SLC66A2: variants seen among roughly 807,000 people sequenced by gnomAD.
SLC66A2 encodes the protein solute carrier family 66 member 2, also known as PQ loop repeat containing 1.
Under a neutral mutation model 25.5 loss-of-function variants are expected in SLC66A2, and 23 were observed. The ratio of observed to expected loss-of-function variants is 0.90; its 90% CI spans 0.65 to 1.28. The LOEUF is 1.28. Ranked by LOEUF, SLC66A2 falls within the 50% of genes most tolerant of loss-of-function variation. SLC66A2 has a pLI of 0.00. For missense variants in SLC66A2, 396 were observed against 373.1 expected (o/e 1.06, Z -0.51); for synonymous variants, 193 against 166.5 (o/e 1.16, Z -1.23).
At chr18:79,946,950 G>A (rs549325421) in intron 2 of SLC66A2, among the ~76,000 whole-genome samples, 15 of 152,230 alleles carry the variant, frequency 9.9e-5, no homozygotes, top group African/African-American at 1.9e-4. Context: ...GGGCAAGAGC[G>A]AGACTCTTGT....
At chr18:79,936,911 G>A (rs908184862) in intron 3 of SLC66A2, among the ~76,000 whole-genome samples, 3 of 152,194 alleles carry the variant, frequency 2.0e-5, no homozygotes, top group African/African-American at 7.2e-5. Context: ...GCGCTGGCAT[G>A]GTGACCCTCA....
intron 4 of SLC66A2, among the ~76,000 whole-genome samples, chr18:79,933,308 T>C (rs1256631902): frequency 1.3e-5 from 2 of 152,226 alleles, no homozygotes; most frequent in Non-Finnish European, 2.9e-5. Context: ...AGGGCAACTA[T>C]GGAAAATCCA....
At chr18:79,915,109 AG>A (rs1373709416) in intron 5 of SLC66A2, among the ~76,000 whole-genome samples, 1 of 152,220 alleles carries the variant, frequency 6.6e-6, no homozygotes, top group Non-Finnish European at 1.5e-5. Flanking sequence ...CCCCACAAGC[AG>A]ACCCCAGACT....
Position 79,918,077 on chromosome 18 carries a change from C to T in SLC66A2, c.608+1107G>A, listed in dbSNP as rs974809799. Among the ~76,000 whole-genome samples the T allele has an allele frequency of 2.6e-5, 4 of 152,196 alleles. No individual in the cohort carries two copies. The highest frequency in any genetic ancestry group is 1.9e-4 in the East Asian group (1 of 5,184). ...ACCCCCTACCACCACCCCACACCTA[C>T]GACAAGCCCTCCTACCTTTACCTCT... On this transcript the variant is annotated intron_variant, in intron 5 of 5. Transcript: ENST00000397778. This position sits in a 1 kb window ranked among gnomAD's most constrained non-coding sequence, Gnocchi z 4.0.
chr18:79,919,015 C>T (rs1004489986), intron 5 of SLC66A2, among the ~76,000 whole-genome samples, 169 bp downstream of exon 5: 5 of 152,276 alleles, frequency 3.3e-5, no homozygotes, highest in African/African-American at 1.2e-4. Flanking sequence ...TGCTCCAGCG[C>T]GAGGTCGAGG....
chr18:79,926,294 C>A (rs1383562406), intron 4 of SLC66A2, among the ~76,000 whole-genome samples: 1 of 152,144 alleles, frequency 6.6e-6, no homozygotes, highest in Non-Finnish European at 1.5e-5. Flanking sequence ...ACCTCAAATT[C>A]TTTCTTGTGC....
rs1335441989 is a variant in SLC66A2, at chr18:79,917,391, GC to G, written c.608+1792del. On this transcript the variant is annotated intron_variant, in intron 5 of 5. Coordinates refer to ENST00000397778, the MANE Select transcript of SLC66A2 (RefSeq NM_025078.5). This position sits in a 1 kb window ranked among gnomAD's most constrained non-coding sequence, Gnocchi z 6.0. ...CCAGCTCCTTGTGAGGGGCCAGGAG[GC>G]CGGCATGTGGGGTCCGGATCCGCTA... Among the ~76,000 whole-genome samples the G allele has an allele frequency of 6.6e-6, 1 of 152,214 alleles. No homozygotes were observed. Among genetic ancestry groups the G allele is most frequent in the Non-Finnish European group, 1.5e-5 (1 of 68,012 alleles).
At chr18:79,919,027 G>A (rs185687241) in intron 5 of SLC66A2, among the ~76,000 whole-genome samples, 157 bp downstream of exon 5, 10 of 152,384 alleles carry the variant, frequency 6.6e-5, no homozygotes, top group African/African-American at 2.4e-4. Context: ...AGGTCGAGGG[G>A]CCAAGGCCTA....
chr18:79,905,084 C>T (rs570480818), intron 5 of SLC66A2, among the ~76,000 whole-genome samples: 1 of 152,164 alleles, frequency 6.6e-6, no homozygotes, highest in African/African-American at 2.4e-5. Flanking sequence ...GCTAGGAACC[C>T]GCAGGAGACA....
intron 5 of SLC66A2, among the ~76,000 whole-genome samples, chr18:79,912,691 T>C (rs1983418372): frequency 6.6e-6 from 1 of 152,160 alleles, no homozygotes; most frequent in Non-Finnish European, 1.5e-5. Context: ...GAAAATGTTC[T>C]GGAATTAGAC....
rs974704915 is a variant in SLC66A2 at position 79,902,876 on chromosome 18, G to A, written c.*1100C>T. 6 of 152,900 alleles carry A rather than the reference G, an allele frequency of 3.9e-5. No homozygotes were observed. The highest frequency in any genetic ancestry group is 2.1e-4 in the South Asian group (1 of 4,854). 9.5% of individuals were successfully genotyped at this position (152,900 alleles called of 1,614,324 possible). On this transcript the variant is annotated 3_prime_UTR_variant, in exon 6 of 6. Transcript: ENST00000397778. ...GTGCGGTGACAAGGGTCAGACTGGC[G>A]GCTCCCACTGCAGCCAGAAGTGAGG... is the stretch of plus-strand genomic sequence containing the variant.
chr18:79,947,991 C>T (rs967920221), intron 2 of SLC66A2, among the ~76,000 whole-genome samples: 8 of 151,950 alleles, frequency 5.3e-5, no homozygotes, highest in African/African-American at 7.3e-5. Flanking sequence ...GCTGGAGGGA[C>T]GCCCAGCAGG....
Position 79,950,777 on chromosome 18 carries a change from G to T in SLC66A2, c.150C>A (p.Ser50=), listed in dbSNP as rs754559069. 1.2e-6 allele frequency: 2 copies of T among 1,613,260 alleles called. No individual in the cohort carries two copies. Among genetic ancestry groups the T allele is most frequent in the African/African-American group, 1.3e-5 (1 of 75,070 alleles). Residue 50 remains serine (S), a synonymous_variant, in exon 2 of 6, where the codon TCC becomes TCA. Coordinates refer to ENST00000397778, the MANE Select transcript of SLC66A2 (RefSeq NM_025078.5). ...CCAGCAGCACCAGGCACACGTAGGTGGAGAAGCCGTCGGCGTTCTGCGTCC... is the reference window on the plus strand; with the variant it reads ...CCAGCAGCACCAGGCACACGTAGGTTGAGAAGCCGTCGGCGTTCTGCGTCC... The part of the protein sequence containing the change: ...IRRTQNADGF[S]TYVCLVLLVA...
rs968901565 is a variant in SLC66A2 at position 79,951,634 on chromosome 18, G to C, written c.-153C>G. On this transcript the variant is annotated 5_prime_UTR_variant, in exon 1 of 6. Coordinates refer to ENST00000397778, the MANE Select transcript of SLC66A2 (RefSeq NM_025078.5). The stretch of plus-strand genomic sequence containing the variant: ...CCGCGTCCCCGCGCCGCTGACCCGC[G>C]CGCGTCTCGGCGTCAGTCCGCTCAG... The C allele has an allele frequency of 6.6e-6, 1 of 151,590 alleles. No homozygotes were observed. The highest frequency in any genetic ancestry group is 1.5e-5 in the Non-Finnish European group (1 of 67,552). 9.4% of individuals were successfully genotyped at this position (151,590 alleles called of 1,614,324 possible).
At chr18:79,942,716 C>CT (rs1987783893) in intron 3 of SLC66A2, among the ~76,000 whole-genome samples, 1 of 152,224 alleles carries the variant, frequency 6.6e-6, no homozygotes, top group Admixed American at 6.5e-5. Context: ...CTGGAACAAA[C>CT]TGTGCAATAG....
At chr18:79,905,318 C>G (rs1275197868) in intron 5 of SLC66A2, among the ~76,000 whole-genome samples, 1 of 152,248 alleles carries the variant, frequency 6.6e-6, no homozygotes, top group Non-Finnish European at 1.5e-5. Context: ...TGTGTCCTCC[C>G]CTGGATGCAG....
In SLC66A2 at chr18:79,950,747, G is replaced by A. The variant is rs376688558; in HGVS notation, c.180C>T (p.Ala60=). Residue 60 remains alanine (A), a synonymous_variant, in exon 2 of 6, where the codon GCC becomes GCT. Coordinates refer to ENST00000397778, the MANE Select transcript of SLC66A2 (RefSeq NM_025078.5). ...STYVCLVLLV[A]NILRILFWFG... ...ACCAGAAGAGTATCCGCAAAATGTT[G>A]GCCACCAGCAGCACCAGGCACACGT... 2.5e-5 allele frequency: 40 copies of A among 1,613,206 alleles called. 2 individuals are homozygous for A. The African/African-American group carries it at 3.1e-4, about 12-fold the overall frequency.
chr18:79,950,269 G>A (rs754464943), intron 2 of SLC66A2, among the ~76,000 whole-genome samples: 3 of 152,170 alleles, frequency 2.0e-5, no homozygotes, highest in Non-Finnish European at 2.9e-5. Context: ...TGAGATGGGA[G>A]GATCACCTGA....
chr18:79,944,028 T>G (rs1987953047), intron 2 of SLC66A2: 1 of 159,538 alleles, frequency 6.3e-6, no homozygotes, highest in Admixed American at 6.3e-5. Flanking sequence ...TCTCCCAGAC[T>G]CCAGGTGGGG....
Sources: gnomAD v4.1 joint callset for allele counts (sites outside exome capture counted in the v4.1 genomes callset) on GRCh38, gnomAD v4.1.1 for gene constraint, Gnocchi (gnomAD v3.1) non-coding constraint, MANE v1.5 for transcripts, NCBI Gene and HGNC (gene_info 2026-07-23, HGNC 2026-07-21) for gene names.